The following ZNF385D variants were observed in gnomAD, a reference collection of about 807,000 sequenced individuals.
ZNF385D encodes the protein zinc finger protein 385D.
A neutral mutation model predicts 35.8 loss-of-function variants in ZNF385D; 15 were observed. That is an observed-to-expected ratio of 0.42 (90% confidence interval 0.28 to 0.64). The LOEUF is 0.64. ZNF385D is among the 30% of genes least tolerant of loss of function. The pLI is 0.23. For synonymous variants in ZNF385D, 212 were observed against 186.8 expected (o/e 1.13, Z -1.10); for missense variants, 474 against 494.6 (o/e 0.96, Z 0.39).
intron 3 of ZNF385D, among the ~76,000 whole-genome samples, chr3:21,973,111 GA>G (rs1271242422): frequency 6.6e-6 from 1 of 151,632 alleles, no homozygotes; most frequent in East Asian, 1.9e-4. Flanking sequence ...ACACCTCAAA[GA>G]AAAAAGAAAG....
At chr3:21,856,295 A>C (rs1406564827) in intron 3 of ZNF385D, among the ~76,000 whole-genome samples, 2 of 151,640 alleles carry the variant, frequency 1.3e-5, no homozygotes, top group African/African-American at 4.9e-5. Context: ...GATTACATCC[A>C]TGGACCCCTC....
chr3:22,253,597 C>G (rs1700168233), intron 2 of ZNF385D, among the ~76,000 whole-genome samples: 2 of 151,952 alleles, frequency 1.3e-5, no homozygotes, highest in South Asian at 4.1e-4. Flanking sequence ...TCACCAATGA[C>G]AAGATTCCAA....
chr3:21,812,651 G>T (rs1033787981), intron 3 of ZNF385D, among the ~76,000 whole-genome samples: 1 of 152,214 alleles, frequency 6.6e-6, no homozygotes, highest in African/African-American at 2.4e-5. Context: ...CTGGGGGAGG[G>T]GAGTGCGCCA....
At chr3:22,045,870 G>C (rs377555289) in intron 3 of ZNF385D, among the ~76,000 whole-genome samples, 73 of 152,100 alleles carry the variant, frequency 4.8e-4, no homozygotes, top group South Asian at 1.5e-3. Flanking sequence ...CGAGCTCTTT[G>C]CCACTCATCA....
intron 3 of ZNF385D, among the ~76,000 whole-genome samples, chr3:21,850,680 G>C (rs114059499): frequency 0.039 from 5,913 of 152,188 alleles, 398 homozygotes; most frequent in African/African-American, 0.13. Context: ...ACACGTGGTT[G>C]AGAGATGTTA....
chr3:22,309,435 A>C (rs1264872630), intron 2 of ZNF385D, among the ~76,000 whole-genome samples: 1 of 152,046 alleles, frequency 6.6e-6, no homozygotes, highest in Non-Finnish European at 1.5e-5. Context: ...CCAGTTTCTC[A>C]CTTCTAAGGG....
chr3:21,770,069 C>T (rs995679516), intron 3 of ZNF385D, among the ~76,000 whole-genome samples: 2 of 152,090 alleles, frequency 1.3e-5, no homozygotes, highest in African/African-American at 4.8e-5. Context: ...TTCCTTATAC[C>T]TTATACAAAA....
rs57792303 is a variant in ZNF385D at position 22,050,134 on chromosome 3, C to T, written c.325+118683G>A. ...TGATCCCAACAATTTGGGAGACCAA[C>T]GCATGAGGATTGTTTGAGCCCAGGA... On this transcript the variant is annotated intron_variant, in intron 3 of 5. Coordinates refer to the ZNF385D transcript ENST00000494108. Among the ~76,000 whole-genome samples, 1,213 of 151,238 alleles carry T rather than the reference C, an allele frequency of 8.0e-3. 22 individuals carry two copies. Among genetic ancestry groups the T allele is most frequent in the African/African-American group, 0.028 (1,156 of 41,174 alleles).
chr3:21,974,624 T>C (rs540021500), intron 3 of ZNF385D, among the ~76,000 whole-genome samples: 28 of 152,000 alleles, frequency 1.8e-4, no homozygotes, highest in African/African-American at 3.9e-4. Context: ...AATCAACAAA[T>C]TGAAGAAACA....
intron 1 of ZNF385D, among the ~76,000 whole-genome samples, chr3:21,669,016 C>G (rs575726646): frequency 1.5e-4 from 23 of 152,230 alleles, no homozygotes; most frequent in Non-Finnish European, 2.6e-4. Context: ...ATTGGAATGC[C>G]ACATTTCTGG....
chr3:22,198,998 T>A lies in ZNF385D; in HGVS notation c.107-29963A>T, dbSNP rs373027565. 2.0e-5 allele frequency among the ~76,000 whole-genome samples: 3 copies of A among 152,216 alleles called. No homozygotes were observed. In the East Asian group the frequency reaches 5.8e-4, roughly 29 times the overall value. On this transcript the variant is annotated intron_variant, in intron 2 of 5. Transcript: ENST00000494108. ...AATATAAATTCCACATCTACTACTG[T>A]TTAATAAGTCTCATGATTATTGATC...
upstream of ZNF385D, among the ~76,000 whole-genome samples, chr3:21,754,583 C>G (rs976289786): frequency 2.6e-5 from 4 of 152,058 alleles, no homozygotes; most frequent in Non-Finnish European, 4.4e-5. Context: ...AAATATTGCT[C>G]AAAGGTTTAT....
At chr3:22,151,043 T>C (rs1472022547) in intron 3 of ZNF385D, among the ~76,000 whole-genome samples, 6 of 152,180 alleles carry the variant, frequency 3.9e-5, no homozygotes, top group Non-Finnish European at 8.8e-5. Context: ...TAAAATCTTC[T>C]TTTTTAGATT....
chr3:21,762,915 A>C (rs1311081521), intron 3 of ZNF385D, among the ~76,000 whole-genome samples: 1 of 152,118 alleles, frequency 6.6e-6, no homozygotes, highest in African/African-American at 2.4e-5. Flanking sequence ...GTCACAGCTC[A>C]ACTTCCTCTT....
intron 4 of ZNF385D, among the ~76,000 whole-genome samples, chr3:21,495,863 G>T (rs1022457096): frequency 2.0e-5 from 3 of 152,018 alleles, no homozygotes; most frequent in Non-Finnish European, 4.4e-5. Flanking sequence ...TGATAAACGA[G>T]ATATGACTAC....
At chr3:21,820,394 T>G (rs1031563564) in intron 3 of ZNF385D, among the ~76,000 whole-genome samples, 1 of 151,594 alleles carries the variant, frequency 6.6e-6, no homozygotes, top group Non-Finnish European at 1.5e-5. Flanking sequence ...TCAATGTAAA[T>G]TATAAAAGGC....
intron 1 of ZNF385D, among the ~76,000 whole-genome samples, chr3:21,715,616 C>G (rs1008963990): frequency 6.6e-6 from 1 of 151,750 alleles, no homozygotes; most frequent in Non-Finnish European, 1.5e-5. Flanking sequence ...GAGTAGACAC[C>G]CAGTAGTGGG....
At chr3:22,270,233 T>C (rs925832637) in intron 2 of ZNF385D, among the ~76,000 whole-genome samples, 1 of 152,034 alleles carries the variant, frequency 6.6e-6, no homozygotes, top group Non-Finnish European at 1.5e-5. Flanking sequence ...ACTCCTCCCT[T>C]CACTTTGTGA....
chr3:22,038,666 C>CTAA (rs1698480746), intron 3 of ZNF385D, among the ~76,000 whole-genome samples: 1 of 151,892 alleles, frequency 6.6e-6, no homozygotes, highest in Admixed American at 6.6e-5. Context: ...AAATTTAATT[C>CTAA]TAATTCTTTT....
Sources: allele counts gnomAD v4.1 joint callset (sites outside exome capture counted in the v4.1 genomes callset), GRCh38; gene constraint gnomAD v4.1.1; transcripts MANE v1.5; gene names NCBI Gene and HGNC (gene_info 2026-07-23, HGNC 2026-07-21).